The following USP12 variants were observed in gnomAD, a reference collection of about 807,000 sequenced individuals.
USP12 encodes the protein ubiquitin specific peptidase 12, also known as ubiquitin carboxyl-terminal hydrolase 12.
A neutral mutation model predicts 45.5 loss-of-function variants in USP12; 19 were observed. The ratio of observed to expected loss-of-function variants is 0.42; its 90% CI spans 0.29 to 0.61. USP12 has a LOEUF of 0.61. Ranked by LOEUF, USP12 falls within the 20% of genes least tolerant of loss-of-function variation. The pLI is 0.22. For synonymous variants in USP12, 149 were observed against 148.8 expected (o/e 1.00, Z -0.01); for missense variants, 242 against 447.7 (o/e 0.54, Z 4.15).
intron 4 of USP12, among the ~76,000 whole-genome samples, chr13:27,091,072 C>T (rs918101036): frequency 2.0e-5 from 3 of 151,890 alleles, no homozygotes; most frequent in African/African-American, 7.3e-5. Context: ...TTCCACTGTA[C>T]GATGGAAGAT....
chr13:27,115,079 A>G (rs537387780), intron 2 of USP12, among the ~76,000 whole-genome samples: 1 of 152,130 alleles, frequency 6.6e-6, no homozygotes, highest in Admixed American at 6.5e-5. Context: ...GCCCCTGTAG[A>G]TATGTTAATT....
intron 2 of USP12, among the ~76,000 whole-genome samples, chr13:27,109,912 C>CAAAA (rs58500654): frequency 0.77 from 83,032 of 108,112 alleles, 32,370 homozygotes; most frequent in East Asian, 0.95. Context: ...ACTCTGTCTC[C>CAAAA]AAAAAAAAAA....
At chr13:27,125,306 T>A (rs537405244) in intron 1 of USP12, among the ~76,000 whole-genome samples, 1 of 152,296 alleles carries the variant, frequency 6.6e-6, no homozygotes, top group Non-Finnish European at 1.5e-5. Context: ...AAAAATTAGC[T>A]TTTCATGATT....
chr13:27,076,105 A>C (rs113891840), intron 6 of USP12, among the ~76,000 whole-genome samples: 1 of 152,038 alleles, frequency 6.6e-6, no homozygotes, highest in African/African-American at 2.4e-5. Flanking sequence ...ACTTGGGTAG[A>C]CTGAAATCTA....
At chr13:27,080,035 A>G (rs1402112580) in intron 6 of USP12, among the ~76,000 whole-genome samples, 2 of 152,238 alleles carry the variant, frequency 1.3e-5, no homozygotes, top group Non-Finnish European at 2.9e-5. Flanking sequence ...CCTGAACTCC[A>G]GCATGTGTTA....
At position 27,118,908 on chromosome 13, in the gene USP12, C is replaced by T. The variant is rs541969466; in HGVS notation, c.49-2312G>A. Reference sequence around the variant, plus strand: ...CACCTGTCACCATATGTACCACATACTTTCATGCCTGCTTAGTAAGCTCTT... The same window carrying T: ...CACCTGTCACCATATGTACCACATATTTTCATGCCTGCTTAGTAAGCTCTT... On this transcript the variant is annotated intron_variant, in intron 1 of 8. Transcript: ENST00000282344. 7.6e-4 allele frequency among the ~76,000 whole-genome samples: 115 copies of T among 152,212 alleles called. 1 individual carries two copies. Among genetic ancestry groups the T allele is most frequent in the Non-Finnish European group, 1.5e-3 (100 of 68,044 alleles).
intron 1 of USP12, among the ~76,000 whole-genome samples, chr13:27,161,688 T>A (rs1878112979): frequency 6.6e-6 from 1 of 151,676 alleles, no homozygotes; most frequent in African/African-American, 2.4e-5. Flanking sequence ...CTGGGCAACA[T>A]GGTGAAACCC....
intron 2 of USP12, among the ~76,000 whole-genome samples, chr13:27,110,916 G>A (rs1018608245): frequency 2.6e-5 from 4 of 152,102 alleles, no homozygotes; most frequent in Admixed American, 1.3e-4. Context: ...AAGCAAAAGA[G>A]ATCATCTCCA....
At chr13:27,169,469 G>A (rs74042525) in intron 1 of USP12, among the ~76,000 whole-genome samples, 5,263 of 152,222 alleles carry the variant, frequency 0.035, 285 homozygotes, top group African/African-American at 0.12. Flanking sequence ...AAATTACTTT[G>A]AGATATTCAG....
chr13:27,109,435 A>C (rs891215452), intron 2 of USP12, among the ~76,000 whole-genome samples: 2 of 152,210 alleles, frequency 1.3e-5, no homozygotes, highest in Non-Finnish European at 2.9e-5. Context: ...CAGGCAATGA[A>C]AGAGACAATA....
chr13:27,084,215 CACAA>C (rs1221639515), intron 6 of USP12, among the ~76,000 whole-genome samples: 14 of 96,080 alleles, frequency 1.5e-4, no homozygotes, highest in African/African-American at 5.0e-4. Context: ...CACACACACA[CACAA>C]ATTCCTGTCT....
intron 4 of USP12, among the ~76,000 whole-genome samples, chr13:27,091,806 C>A (rs1424312434): frequency 6.6e-6 from 1 of 152,180 alleles, no homozygotes; most frequent in Non-Finnish European, 1.5e-5. Flanking sequence ...TCATAGAGAA[C>A]ACCAGAAAAG....
chr13:27,109,929 C>G (rs1350334129), intron 2 of USP12, among the ~76,000 whole-genome samples: 2 of 68,990 alleles, frequency 2.9e-5, no homozygotes, highest in South Asian at 5.0e-4. Flanking sequence ...AAAAAAAAGT[C>G]ATCTTTGAGA....
At chr13:27,095,306 A>G (rs1874525518) in intron 4 of USP12, among the ~76,000 whole-genome samples, 1 of 152,194 alleles carries the variant, frequency 6.6e-6, no homozygotes, top group Non-Finnish European at 1.5e-5. Flanking sequence ...ATCCTATGAG[A>G]TTATGTCATA....
chr13:27,068,906 T>C lies in USP12; in HGVS notation c.*377A>G, dbSNP rs953280769. 3.9e-6 allele frequency: 1 copy of C among 253,472 alleles called. No homozygotes were observed. The allele number at this position is 253,472 out of a possible 1,614,324, so 15.7% of individuals were successfully genotyped here. ...AATTTATGCAGTGTGTTCAACATCA[T>C]CTCCTTATCAATACGGCACAGATTC... On this transcript the variant is annotated 3_prime_UTR_variant, in exon 9 of 9. Coordinates refer to ENST00000282344, the MANE Select transcript of USP12 (RefSeq NM_182488.4).
intron 1 of USP12, 54 bp downstream of exon 1, chr13:27,171,534 GCCGC>G (rs1418516578): frequency 7.7e-6 from 8 of 1,033,996 alleles, no homozygotes; most frequent in South Asian, 2.0e-5. Context: ...CGGGTCCAGC[GCCGC>G]CCGCCCGCCC....
chr13:27,097,794 T>C (rs909110932), intron 3 of USP12, among the ~76,000 whole-genome samples: 1 of 152,144 alleles, frequency 6.6e-6, no homozygotes, highest in Admixed American at 6.5e-5. Context: ...ATATTGGCAA[T>C]ATCACTACAT....
rs1426778422 is a variant in USP12 at position 27,066,992 on chromosome 13, T to A, written c.*2291A>T. On this transcript the variant is annotated 3_prime_UTR_variant, in exon 9 of 9. Transcript: ENST00000282344. Reference sequence around the variant, plus strand: ...AGAAGAAAAAGTAAATGTAAAACTGTCACCCCACAATCCCTCCCCTGACAA... The same window carrying A: ...AGAAGAAAAAGTAAATGTAAAACTGACACCCCACAATCCCTCCCCTGACAA... 6.6e-6 allele frequency: 1 copy of A among 152,198 alleles called. No individual in the cohort carries two copies. The highest frequency in any genetic ancestry group is 1.5e-5 in the Non-Finnish European group (1 of 68,042). 9.4% of individuals were successfully genotyped at this position (152,198 alleles called of 1,614,324 possible).
At chr13:27,143,020 G>A (rs1265759565) in intron 1 of USP12, among the ~76,000 whole-genome samples, 1 of 151,696 alleles carries the variant, frequency 6.6e-6, no homozygotes. Context: ...TTGAACTGGG[G>A]AGGCGGAGGT....
Sources: allele counts gnomAD v4.1 joint callset (sites outside exome capture counted in the v4.1 genomes callset), GRCh38; gene constraint gnomAD v4.1.1; transcripts MANE v1.5; gene names NCBI Gene and HGNC (gene_info 2026-07-23, HGNC 2026-07-21).